Variants in GLI4 observed in about 807,000 individuals in gnomAD.
GLI4 encodes the protein zinc finger protein GLI4.
GLI4 carries 34 observed loss-of-function variants against 30.9 expected under a neutral mutation model. The ratio of observed to expected loss-of-function variants is 1.10; its 90% CI spans 0.84 to 1.47. GLI4 has a LOEUF of 1.47. Ranked by LOEUF, GLI4 falls within the 40% of genes most tolerant of loss-of-function variation. The probability of loss-of-function intolerance (pLI) is 0.00; values close to 1 mark genes in which losing one functional copy is unlikely to be tolerated. For missense variants in GLI4, 696 were observed against 538.9 expected, an observed-to-expected ratio of 1.29 and a Z score of -2.89; for synonymous variants, 277 against 236.7, an observed-to-expected ratio of 1.17 and a Z score of -1.56.
At chr8:143,271,435 CAG>C (rs1237868315) in intron 2 of GLI4, among the ~76,000 whole-genome samples, 1 of 152,200 alleles carries the variant, frequency 6.6e-6, no homozygotes, top group East Asian at 1.9e-4. Flanking sequence ...TGGGTGAAGG[CAG>C]GGGCTGTTTC....
chr8:143,268,170 G>A (rs2129657026), intron 1 of GLI4: 1 of 814,542 alleles, frequency 1.2e-6, no homozygotes, highest in South Asian at 5.5e-5. Context: ...CCTACCTGGT[G>A]ACCTGACCCT....
chr8:143,269,435 C>T lies in GLI4; in HGVS notation c.39C>T (p.Val13=). The T allele has an allele frequency of 6.2e-7, 1 of 1,609,106 alleles. No individual in the cohort carries two copies. Residue 13 remains valine (V), a synonymous_variant, in exon 2 of 4, where the codon GTC becomes GTT. Transcript: ENST00000340042. ...ALGDIQESPS[V]PSPVSLSSPG... ...GGGACATTCAGGAGTCCCCTTCTGT[C>T]CCGTCCCCTGTCAGTCTCTCATCAC... is the stretch of plus-strand genomic sequence containing the variant.
Position 143,271,772 on chromosome 8 carries a change from A to C in GLI4, c.124+2252A>C, listed in dbSNP as rs919016778. Among the ~76,000 whole-genome samples the C allele has an allele frequency of 3.3e-5, 5 of 152,090 alleles. No homozygotes were observed. In the South Asian group the frequency reaches 1.0e-3, roughly 32 times the overall value. Reference sequence around the variant, plus strand: ...ATCAGTGGGGAGGGTCGTGAGGGGCATGAGGAGCGGCCGGGTAAGGTTCTC... The same window carrying C: ...ATCAGTGGGGAGGGTCGTGAGGGGCCTGAGGAGCGGCCGGGTAAGGTTCTC... On this transcript the variant is annotated intron_variant, in intron 2 of 3. Coordinates refer to ENST00000340042, the MANE Select transcript of GLI4 (RefSeq NM_138465.4).
Position 143,275,910 on chromosome 8 carries a change from G to C in GLI4, c.237G>C (p.Lys79Asn), listed in dbSNP as rs943611807. The change falls in exon 4 of 4, where the codon AAG (lysine) becomes AAC (asparagine). Residue 79 changes from lysine (K) to asparagine (N), a missense_variant. Physicochemically the swap from Lys to Asn is moderately conservative, Grantham distance 94. Coordinates refer to ENST00000340042, the MANE Select transcript of GLI4 (RefSeq NM_138465.4). Reference sequence around the variant, plus strand: ...TTCTCATTTCAGACTCCGAGCCCAAGCCGGAGCAGGCTCCACGCTCTCCTG... The same window carrying C: ...TTCTCATTTCAGACTCCGAGCCCAACCCGGAGCAGGCTCCACGCTCTCCTG... ...RDTFWPDSEPKPEQAPRSPGS... is the reference protein window; with the variant it reads ...RDTFWPDSEPNPEQAPRSPGS... 2 of 1,297,304 alleles carry C rather than the reference G, an allele frequency of 1.5e-6. No individual in the cohort carries two copies. The highest frequency in any genetic ancestry group is 3.1e-5 in the African/African-American group (2 of 65,228). 80.4% of individuals were successfully genotyped at this position (1,297,304 alleles called of 1,614,324 possible).
chr8:143,276,054 G>C lies in GLI4; in HGVS notation c.381G>C (p.Ala127=). Residue 127 remains alanine (A), a synonymous_variant, in exon 4 of 4, where the codon GCG becomes GCC. Coordinates refer to ENST00000340042, the MANE Select transcript of GLI4 (RefSeq NM_138465.4). The stretch of plus-strand genomic sequence containing the variant: ...CTGAATCCAGCGCGGAGCGGCCGGC[G>C]GGCCAGCCGCCTGGGGCCGTCCCTT... ...FGPESSAERP[A]GQPPGAVPCA... 1 of 1,359,496 alleles carries C rather than the reference G, an allele frequency of 7.4e-7. No homozygotes were observed. The highest frequency in any genetic ancestry group is 9.4e-7 in the Non-Finnish European group (1 of 1,062,224). The allele number at this position is 1,359,496 out of a possible 1,614,324, so 84.2% of individuals were successfully genotyped here. A position where few individuals can be genotyped will look rare whatever the true frequency, so the allele number is the denominator to read the frequency against.
At chr8:143,275,142 C>T (rs1197945230) in intron 3 of GLI4, 2 of 1,535,204 alleles carry the variant, frequency 1.3e-6, no homozygotes, top group East Asian at 2.4e-5. Flanking sequence ...GCACCACTGT[C>T]CCCCCAGATC....
At position 143,276,882 on chromosome 8, in the gene GLI4, C is replaced by G. The variant is rs1346187801; in HGVS notation, c.*78C>G. 2.3e-6 allele frequency: 2 copies of G among 877,010 alleles called. No individual in the cohort carries two copies. The highest frequency in any genetic ancestry group is 1.7e-5 in the African/African-American group (1 of 59,190). The allele number at this position is 877,010 out of a possible 1,614,324, so 54.3% of individuals were successfully genotyped here. On this transcript the variant is annotated 3_prime_UTR_variant, in exon 4 of 4. Transcript: ENST00000340042. ...CCCCGTCCCCCACGGTGGGCACTGC[C>G]CAGCACCGCATGCCACGTGTCCGGA... is the stretch of plus-strand genomic sequence containing the variant.
chr8:143,269,573 TC>T, intron 2 of GLI4, 53 bp downstream of exon 2: 1 of 1,474,884 alleles, frequency 6.8e-7, no homozygotes, highest in Non-Finnish European at 9.5e-7. Context: ...TGCCCTCACG[TC>T]CCCTGCCCTG....
rs773159091 is a variant in GLI4 at position 143,276,568 on chromosome 8, C to G, written c.895C>G (p.Gln299Glu). The change falls in exon 4 of 4, where the codon CAG becomes GAG. Residue 299 changes from glutamine (Q) to glutamate (E), a missense_variant. Coordinates refer to ENST00000340042, the MANE Select transcript of GLI4 (RefSeq NM_138465.4). ...HTGEKPYACSQCGKAFIWSSV... is the reference protein window; with the variant it reads ...HTGEKPYACSECGKAFIWSSV... ...GGGTGAGAAGCCCTACGCCTGCAGC[C>G]AGTGCGGCAAGGCCTTCATCTGGAG... The G allele has an allele frequency of 1.2e-6, 2 of 1,609,672 alleles. No homozygotes were observed. Among genetic ancestry groups the G allele is most frequent in the Non-Finnish European group, 1.7e-6 (2 of 1,178,816 alleles).
chr8:143,269,812 A>G (rs537511698), intron 2 of GLI4, among the ~76,000 whole-genome samples: 1 of 152,230 alleles, frequency 6.6e-6, no homozygotes, highest in South Asian at 2.1e-4. Context: ...AAGTGGCCTC[A>G]AAATCTGGAT....
Position 143,276,635 on chromosome 8 carries a change from A to T in GLI4, c.962A>T (p.Lys321Met), listed in dbSNP as rs779080225. ...IEHQRIHTGEKPYECSDCGKA... is the reference protein window; with the variant it reads ...IEHQRIHTGEMPYECSDCGKA... ...CACCAGCGCATCCACACTGGCGAGA[A>T]GCCCTACGAGTGCTCCGACTGCGGC... is the stretch of plus-strand genomic sequence containing the variant. Residue 321 changes from lysine (K) to methionine (M), a missense_variant, in exon 4 of 4, where the codon AAG becomes ATG. Transcript: ENST00000340042. The T allele has an allele frequency of 1.1e-5, 18 of 1,612,434 alleles. No homozygotes were observed. The highest frequency in any genetic ancestry group is 1.4e-5 in the Non-Finnish European group (16 of 1,179,756).
Position 143,276,483 on chromosome 8 carries a change from C to G in GLI4, c.810C>G (p.Gly270=). 6.2e-7 allele frequency: 1 copy of G among 1,612,972 alleles called. No individual in the cohort carries two copies. Among genetic ancestry groups the G allele is most frequent in the South Asian group, 1.1e-5 (1 of 91,056 alleles). Residue 270 remains glycine, a synonymous_variant, in exon 4 of 4, where the codon GGC becomes GGG. Coordinates refer to ENST00000340042, the MANE Select transcript of GLI4 (RefSeq NM_138465.4). The part of the protein sequence containing the change: ...IHNGEKPYKC[G]ECGQAFSQSS... Reference sequence around the variant, plus strand: ...ACGGCGAGAAGCCCTACAAGTGCGGCGAGTGCGGCCAGGCCTTCAGCCAGA... The same window carrying G: ...ACGGCGAGAAGCCCTACAAGTGCGGGGAGTGCGGCCAGGCCTTCAGCCAGA...
chr8:143,270,435 G>T (rs116091960), intron 2 of GLI4, among the ~76,000 whole-genome samples: 1 of 152,210 alleles, frequency 6.6e-6, no homozygotes, highest in Non-Finnish European at 1.5e-5. Context: ...CAGCCCTGCC[G>T]TCTCCGCTGC....
At position 143,268,859 on chromosome 8, in the gene GLI4, C is replaced by CTGCTGCTGCTGCTGCTGTTGT. The variant is rs35422165; in HGVS notation, c.-37-499_-37-498insCTGCTGCTGCTGCTGTTGTTG. On this transcript the variant is annotated intron_variant, in intron 1 of 3. Transcript: ENST00000340042. The stretch of plus-strand genomic sequence containing the variant: ...TCCTTTGCTGCTGCTGCTGCTGCTG[C>CTGCTGCTGCTGCTGCTGTTGT]TGTTGTTTGAGTCTTGCTGTGTCTC... 8.7e-4 allele frequency among the ~76,000 whole-genome samples: 130 copies of CTGCTGCTGCTGCTGCTGTTGT among 149,494 alleles called. 1 individual carries two copies. The highest frequency in any genetic ancestry group is 3.1e-3 in the African/African-American group (126 of 40,606).
At chr8:143,272,129 G>A (rs1586727340) in intron 2 of GLI4, among the ~76,000 whole-genome samples, 1 of 152,200 alleles carries the variant, frequency 6.6e-6, no homozygotes, top group African/African-American at 2.4e-5. Flanking sequence ...TGAGGGAGGG[G>A]AGGCCTGGGA....
intron 1 of GLI4, chr8:143,268,201 G>A (rs930232571): frequency 8.5e-6 from 5 of 588,542 alleles, no homozygotes; most frequent in Non-Finnish European, 1.1e-5. Context: ...AGGGGATGGA[G>A]GCTGGCCCAG....
At chr8:143,268,577 AAAAACCTTATTAAGATTTCCTCC>A (rs1202060805) in intron 1 of GLI4, among the ~76,000 whole-genome samples, 1 of 152,172 alleles carries the variant, frequency 6.6e-6, no homozygotes, top group Non-Finnish European at 1.5e-5. Flanking sequence ...GCTGTTCGGG[AAAAACCTTATTAAGATTTCCTCC>A]AAAACACTCA....
chr8:143,274,572 C>A (rs1053505264), intron 2 of GLI4, 132 bp from the exon 3 acceptor site: 13 of 834,268 alleles, frequency 1.6e-5, no homozygotes, highest in Non-Finnish European at 2.2e-5. Flanking sequence ...AGCAGCGGGC[C>A]TGCTGTTGGG....
At chr8:143,275,803 C>A in intron 3 of GLI4, 94 bp from the exon 4 acceptor site, 2 of 1,247,446 alleles carry the variant, frequency 1.6e-6, no homozygotes, top group Middle Eastern at 2.2e-4. Flanking sequence ...TCTAAGCCCC[C>A]CCGTCCAGCT....
Sources: gnomAD v4.1 joint callset for allele counts (sites outside exome capture counted in the v4.1 genomes callset) on GRCh38, gnomAD v4.1.1 for gene constraint, MANE v1.5 for transcripts, NCBI Gene and HGNC (gene_info 2026-07-23, HGNC 2026-07-21) for gene names.